PBLD: variants seen among roughly 807,000 people sequenced by gnomAD.
PBLD encodes phenazine biosynthesis like protein domain containing, also known as phenazine biosynthesis-like domain-containing protein.
In PBLD, 26 loss-of-function variants were observed where a neutral mutation model predicts 31.3. That is an observed-to-expected ratio of 0.83 (90% confidence interval 0.61 to 1.15). The LOEUF (loss-of-function observed/expected upper bound fraction) is 1.15. Ranked by LOEUF, PBLD falls within the 50% of genes most tolerant of loss-of-function variation. PBLD has a pLI of 0.00. For missense variants in PBLD, 307 were observed against 351.7 expected (o/e 0.87, Z 1.02); for synonymous variants, 114 against 129.0 (o/e 0.88, Z 0.79).
chr10:68,303,270 T>G (rs1351580387), intron 2 of PBLD, among the ~76,000 whole-genome samples: 1 of 151,826 alleles, frequency 6.6e-6, no homozygotes, highest in Non-Finnish European at 1.5e-5. Context: ...CTTGGCTAAT[T>G]TGACGGGGTT....
intron 2 of PBLD, among the ~76,000 whole-genome samples, chr10:68,302,370 G>C (rs2044516062): frequency 6.6e-6 from 1 of 152,156 alleles, no homozygotes; most frequent in South Asian, 2.1e-4. Flanking sequence ...TCAGAGTAAA[G>C]TTTTAAAATA....
intron 4 of PBLD, among the ~76,000 whole-genome samples, chr10:68,295,442 GA>G (rs2044411685): frequency 6.7e-6 from 1 of 149,256 alleles, no homozygotes; most frequent in Admixed American, 6.7e-5. Context: ...GCAGTGAACT[GA>G]TATCCTGCCT....
chr10:68,284,046 C>T lies in PBLD; in HGVS notation c.*131G>A. On this transcript the variant is annotated 3_prime_UTR_variant, in exon 10 of 10. Coordinates refer to ENST00000358769, the MANE Select transcript of PBLD (RefSeq NM_022129.4). ...ACAGGCATGAGCCACTGCGCCTGGC[C>T]CATTTTTCGATTTTTAACATGAGGA... 1 of 812,268 alleles carries T rather than the reference C, an allele frequency of 1.2e-6. No homozygotes were observed. Among genetic ancestry groups the T allele is most frequent in the Non-Finnish European group, 1.9e-6 (1 of 514,220 alleles). 50.3% of individuals were successfully genotyped at this position (812,268 alleles called of 1,614,324 possible).
rs565774075 is a variant in PBLD, at chr10:68,298,407, G to A, written c.85-1422C>T. Among the ~76,000 whole-genome samples the A allele has an allele frequency of 7.9e-5, 12 of 152,242 alleles. No individual in the cohort carries two copies. The South Asian group carries it at 1.2e-3, about 16-fold the overall frequency. On this transcript the variant is annotated intron_variant, in intron 2 of 9. Transcript: ENST00000358769. Reference sequence around the variant, plus strand: ...TTTGGGAGGCCAAGGAGAGTGGATCGCTTGAACCCTGGAGTTGGAGACCAG... The same window carrying A: ...TTTGGGAGGCCAAGGAGAGTGGATCACTTGAACCCTGGAGTTGGAGACCAG...
intron 1 of PBLD, among the ~76,000 whole-genome samples, chr10:68,319,079 G>GAAAGAAAGAA (rs1192004993): frequency 8.2e-6 from 1 of 122,362 alleles, no homozygotes; most frequent in Non-Finnish European, 1.6e-5. Flanking sequence ...AAGAAAGAAA[G>GAAAGAAAGAA]AAAGAAAGAA....
At chr10:68,286,628 T>C (rs1452763027) in intron 8 of PBLD, among the ~76,000 whole-genome samples, 1 of 151,976 alleles carries the variant, frequency 6.6e-6, no homozygotes, top group African/African-American at 2.4e-5. Flanking sequence ...CATGAGCCAC[T>C]GCACCTGGCC....
Position 68,296,940 on chromosome 10 carries a change from G to A in PBLD, c.130C>T (p.Leu44Phe), listed in dbSNP as rs749803306. The part of the protein sequence containing the change: ...MHQKIAREMN[L>F]SETAFIRKLH... ...TTTCGGATAAAAGCAGTTTCAGAGA[G>A]GTTCATCTCCCTTGCAATTTTCTGA... The change falls in exon 3 of 10, where the codon CTC (leucine) becomes TTC (phenylalanine). Residue 44 changes from leucine (L) to phenylalanine (F), a missense_variant. Coordinates refer to ENST00000358769, the MANE Select transcript of PBLD (RefSeq NM_022129.4). The A allele has an allele frequency of 6.8e-6, 11 of 1,613,860 alleles. No homozygotes were observed. In the Admixed American group the frequency reaches 1.2e-4, roughly 17 times the overall value.
chr10:68,301,013 C>T (rs1457188288), intron 2 of PBLD, among the ~76,000 whole-genome samples: 8 of 152,128 alleles, frequency 5.3e-5, no homozygotes, highest in Non-Finnish European at 1.5e-5. Flanking sequence ...TCTCCTGCCT[C>T]AGCGTCCTGA....
chr10:68,296,156 C>A, intron 4 of PBLD, 110 bp downstream of exon 4: 1 of 774,448 alleles, frequency 1.3e-6, no homozygotes, highest in Middle Eastern at 3.2e-4. Flanking sequence ...GTAAACTCTG[C>A]AGAGTCTTTA....
chr10:68,291,939 C>A, intron 6 of PBLD, 71 bp downstream of exon 6: 1 of 1,436,138 alleles, frequency 7.0e-7, no homozygotes, highest in South Asian at 1.2e-5. Flanking sequence ...CTTTGTGGAT[C>A]AAATGATACC....
chr10:68,331,960 C>G (rs921858476), intron 1 of PBLD: 1 of 152,384 alleles, frequency 6.6e-6, no homozygotes, highest in African/African-American at 2.4e-5. Flanking sequence ...CCGCCAGCGC[C>G]ATGCGAAACC....
rs71009034 is a variant in PBLD, at chr10:68,286,085, C to CTTTTTTTTTTT, written c.692-686_692-676dup. On this transcript the variant is annotated intron_variant, in intron 8 of 9. Coordinates refer to ENST00000358769, the MANE Select transcript of PBLD (RefSeq NM_022129.4). Reference sequence around the variant, plus strand: ...GGAGAATCAAGGCCTTTGAATAATTCTTTTTTTTTTTTTTTTTTTTGAGAC... The same window carrying CTTTTTTTTTTT: ...GGAGAATCAAGGCCTTTGAATAATTCTTTTTTTTTTTTTTTTTTTTTTTTTTTTTTTGAGAC... 3.2e-4 allele frequency among the ~76,000 whole-genome samples: 33 copies of CTTTTTTTTTTT among 103,428 alleles called. 1 individual carries two copies. Among genetic ancestry groups the CTTTTTTTTTTT allele is most frequent in the Non-Finnish European group, 4.6e-4 (25 of 54,934 alleles). The allele number at this position is 103,428 out of a possible 152,430, so 67.9% of individuals were successfully genotyped here. A position where few individuals can be genotyped will look rare whatever the true frequency, so the allele number is the denominator to read the frequency against.
At chr10:68,299,113 A>AAG (rs1426843665) in intron 2 of PBLD, among the ~76,000 whole-genome samples, 1 of 150,724 alleles carries the variant, frequency 6.6e-6, no homozygotes, top group African/African-American at 2.4e-5. Flanking sequence ...TCTCAAAAAA[A>AAG]AAAAAAAAAA....
intron 1 of PBLD, among the ~76,000 whole-genome samples, chr10:68,324,827 G>A (rs2044890972): frequency 2.6e-5 from 4 of 151,396 alleles, no homozygotes; most frequent in Admixed American, 1.3e-4. Flanking sequence ...TGTTGGCCAG[G>A]CTGGTCTTGA....
intron 1 of PBLD, among the ~76,000 whole-genome samples, chr10:68,322,495 G>A (rs1397729613): frequency 6.9e-6 from 1 of 145,040 alleles, no homozygotes; most frequent in Non-Finnish European, 1.5e-5. Context: ...ATCTCATCTC[G>A]ACAAAAAATT....
chr10:68,284,033 C>T lies in PBLD; in HGVS notation c.*144G>A, dbSNP rs192374801. 1.2e-5 allele frequency: 8 copies of T among 682,052 alleles called. No homozygotes were observed. The East Asian group carries it at 2.0e-4, about 17-fold the overall frequency. 42.3% of individuals were successfully genotyped at this position (682,052 alleles called of 1,614,324 possible). ...AAGTGCTACGATTACAGGCATGAGC[C>T]ACTGCGCCTGGCCCATTTTTCGATT... is the stretch of plus-strand genomic sequence containing the variant. On this transcript the variant is annotated 3_prime_UTR_variant, in exon 10 of 10. Coordinates refer to ENST00000358769, the MANE Select transcript of PBLD (RefSeq NM_022129.4).
intron 2 of PBLD, among the ~76,000 whole-genome samples, chr10:68,300,588 C>T (rs2044492371): frequency 6.6e-6 from 1 of 151,988 alleles, no homozygotes; most frequent in African/African-American, 2.4e-5. Context: ...TCACAAGCTC[C>T]CCAGGTGATC....
intron 1 of PBLD, among the ~76,000 whole-genome samples, chr10:68,316,477 A>G (rs1241300278): frequency 1.3e-5 from 2 of 152,318 alleles, no homozygotes; most frequent in East Asian, 3.9e-4. Flanking sequence ...GAAAAATTAT[A>G]AGAGCCTCAG....
At chr10:68,294,327 A>G (rs1262762646) in intron 4 of PBLD, among the ~76,000 whole-genome samples, 1 of 152,092 alleles carries the variant, frequency 6.6e-6, no homozygotes, top group African/African-American at 2.4e-5. Context: ...TGTCTGACCC[A>G]TGGCCTCAGG....
Sources: allele counts gnomAD v4.1 joint callset (sites outside exome capture counted in the v4.1 genomes callset), GRCh38; gene constraint gnomAD v4.1.1; transcripts MANE v1.5; gene names NCBI Gene and HGNC (gene_info 2026-07-23, HGNC 2026-07-21).